TRIM71: variants seen among roughly 807,000 people sequenced by gnomAD.
TRIM71 encodes tripartite motif containing 71.
In TRIM71, 9 loss-of-function variants were observed where a neutral mutation model predicts 61.2. The ratio of observed to expected loss-of-function variants is 0.15; its 90% CI spans 0.09 to 0.26. The LOEUF (loss-of-function observed/expected upper bound fraction) is 0.26. Among genes scored for constraint, TRIM71 ranks in the 10% least tolerant of loss-of-function variants. The pLI is 1.00. For missense variants in TRIM71, 998 were observed against 1,238.7 expected (o/e 0.81, Z 2.92); for synonymous variants, 645 against 553.2 (o/e 1.17, Z -2.33).
chr3:32,890,228 A>G lies in TRIM71; in HGVS notation c.1156-132A>G. ...TTTTGCTGCTTTTGAAGAAAGACAG[A>G]TGTCTTTTGTAGACCATCCCACAAT... On this transcript the variant is annotated intron_variant, in intron 3 of 3. Coordinates refer to ENST00000383763, the MANE Select transcript of TRIM71 (RefSeq NM_001039111.3). The surrounding 1 kb of genome is among the most constrained non-coding windows in gnomAD (Gnocchi z 6.2). 8.1e-7 allele frequency: 1 copy of G among 1,233,414 alleles called. No homozygotes were observed. Among genetic ancestry groups the G allele is most frequent in the Non-Finnish European group, 1.1e-6 (1 of 890,788 alleles). 76.4% of individuals were successfully genotyped at this position (1,233,414 alleles called of 1,614,324 possible).
intron 1 of TRIM71, among the ~76,000 whole-genome samples, chr3:32,838,195 T>C (rs1449865070): frequency 6.6e-6 from 1 of 152,154 alleles, no homozygotes; most frequent in East Asian, 1.9e-4. Context: ...TACTAAATTA[T>C]TTTGGATTAG....
At chr3:32,872,844 A>C (rs1234425260) in intron 1 of TRIM71, among the ~76,000 whole-genome samples, 2 of 152,202 alleles carry the variant, frequency 1.3e-5, no homozygotes, top group Non-Finnish European at 2.9e-5. Flanking sequence ...TGCCTGTTGC[A>C]TGTTAGCTAG....
chr3:32,839,638 C>T (rs547748857), intron 1 of TRIM71, among the ~76,000 whole-genome samples: 14 of 110,104 alleles, frequency 1.3e-4, no homozygotes, highest in African/African-American at 4.4e-4. Flanking sequence ...TGTAGTAAGT[C>T]GAATTGATTA....
intron 1 of TRIM71, among the ~76,000 whole-genome samples, chr3:32,842,434 G>A (rs990074594): frequency 6.6e-6 from 1 of 152,206 alleles, no homozygotes; most frequent in Non-Finnish European, 1.5e-5. Context: ...GTATGATGGG[G>A]TTGTAAATTG....
chr3:32,841,528 G>T (rs1242028563), intron 1 of TRIM71, among the ~76,000 whole-genome samples: 4 of 152,142 alleles, frequency 2.6e-5, no homozygotes, highest in African/African-American at 9.6e-5. Context: ...ACAAAAGTTA[G>T]CTGGGCGTGG....
intron 1 of TRIM71, among the ~76,000 whole-genome samples, chr3:32,844,213 G>C (rs541567010): frequency 6.6e-6 from 1 of 152,094 alleles, no homozygotes; most frequent in Non-Finnish European, 1.5e-5. Flanking sequence ...CTAAAACTGG[G>C]GTGGGGCTCA....
Position 32,818,616 on chromosome 3 carries a change from C to T in TRIM71, c.536C>T (p.Ser179Leu), listed in dbSNP as rs1696089754. The change falls in exon 1 of 4, where the codon TCG (serine) becomes TTG (leucine). Residue 179 changes from serine to leucine, a missense_variant. Physicochemically the swap from Ser to Leu is moderately radical, Grantham distance 145. Transcript: ENST00000383763. ...CCGCAGCCGCCCGCGCCTTCCCGCT[C>T]GGCACCCGGCGGCCCTGCCGCTTCC... ...QAPQPPAPSR[S>L]APGGPAASPS... The T allele has an allele frequency of 2.1e-6, 3 of 1,407,588 alleles. No individual in the cohort carries two copies. The highest frequency in any genetic ancestry group is 1.5e-5 in the African/African-American group (1 of 66,246). The allele number at this position is 1,407,588 out of a possible 1,614,324, so 87.2% of individuals were successfully genotyped here. A position where few individuals can be genotyped will look rare whatever the true frequency, so the allele number is the denominator to read the frequency against.
chr3:32,863,565 G>C (rs1409454663), intron 1 of TRIM71, among the ~76,000 whole-genome samples: 1 of 152,044 alleles, frequency 6.6e-6, no homozygotes, highest in Non-Finnish European at 1.5e-5. Context: ...CTTCCACGTT[G>C]AGTTTTATCT....
intron 2 of TRIM71, among the ~76,000 whole-genome samples, chr3:32,878,471 C>T (rs529008630): frequency 4.5e-4 from 68 of 152,172 alleles, no homozygotes; most frequent in Middle Eastern, 6.8e-3. Flanking sequence ...AAAAATTAGC[C>T]GGTCATGGTG....
rs749298705 is a variant in TRIM71 at position 32,873,771 on chromosome 3, T to C, written c.853-47T>C. The C allele has an allele frequency of 8.4e-6, 12 of 1,423,812 alleles. No homozygotes were observed. The Admixed American group carries it at 2.2e-4, about 26-fold the overall frequency. 88.2% of individuals were successfully genotyped at this position (1,423,812 alleles called of 1,614,324 possible). A position where few individuals can be genotyped will look rare whatever the true frequency, so the allele number is the denominator to read the frequency against. ...CTCCAGTTGCTGTCTTCCCTCCTCC[T>C]CCCGTCCTGCATCTCCATTTATGCC... On this transcript the variant is annotated intron_variant, in intron 1 of 3. Coordinates refer to ENST00000383763, the MANE Select transcript of TRIM71 (RefSeq NM_001039111.3).
At chr3:32,885,509 G>A (rs992808853) in intron 2 of TRIM71, among the ~76,000 whole-genome samples, 6 of 152,158 alleles carry the variant, frequency 3.9e-5, no homozygotes, top group Non-Finnish European at 8.8e-5. Context: ...ACACCCTCAC[G>A]TAAGGGATGT....
chr3:32,868,831 C>T (rs1575354641), intron 1 of TRIM71, among the ~76,000 whole-genome samples: 1 of 152,240 alleles, frequency 6.6e-6, no homozygotes, highest in South Asian at 2.1e-4. Flanking sequence ...TGCAGCGGGG[C>T]TCTGTTGTCT....
Position 32,818,236 on chromosome 3 carries a change from G to T in TRIM71, c.156G>T (p.Ala52=). ...GCGGCGGCGGGGGCCCTGGGGCGGC[G>T]GCGCGCCGCCTACACGTCCTGCCCT... ...SGGGGGGPGA[A]ARRLHVLPCL... Residue 52 remains alanine, a synonymous_variant, in exon 1 of 4, where the codon GCG becomes GCT. Coordinates refer to ENST00000383763, the MANE Select transcript of TRIM71 (RefSeq NM_001039111.3). The T allele has an allele frequency of 6.7e-7, 1 of 1,497,096 alleles. No homozygotes were observed. The highest frequency in any genetic ancestry group is 8.8e-7 in the Non-Finnish European group (1 of 1,133,696). The allele number at this position is 1,497,096 out of a possible 1,614,324, so 92.7% of individuals were successfully genotyped here.
intron 1 of TRIM71, among the ~76,000 whole-genome samples, chr3:32,822,731 C>T (rs1028041890): frequency 2.0e-5 from 3 of 152,016 alleles, no homozygotes; most frequent in African/African-American, 7.2e-5. Flanking sequence ...ACAAATTTTC[C>T]CACTTACACT....
chr3:32,891,408 A>G lies in TRIM71; in HGVS notation c.2204A>G (p.Asn735Ser). The G allele has an allele frequency of 3.1e-6, 5 of 1,614,046 alleles. No homozygotes were observed. The highest frequency in any genetic ancestry group is 4.2e-6 in the Non-Finnish European group (5 of 1,180,010). ...QLFGPDGVFL[N>S]KYGFEGALWK... is the part of the protein sequence containing the mutation. ...TTTGGGCCTGATGGTGTCTTCCTAA[A>G]CAAGTATGGCTTCGAGGGGGCTCTC... Residue 735 changes from asparagine to serine, a missense_variant, in exon 4 of 4, where the codon AAC becomes AGC. Asn to Ser is a conservative substitution (Grantham distance 46). Around this residue, in one of 5 missense-constraint regions of TRIM71, gnomAD observed 83 missense variants for 202.7 expected, o/e 0.41. Coordinates refer to ENST00000383763, the MANE Select transcript of TRIM71 (RefSeq NM_001039111.3). This position sits in a 1 kb window ranked among gnomAD's most constrained non-coding sequence, Gnocchi z 8.2.
intron 1 of TRIM71, among the ~76,000 whole-genome samples, chr3:32,849,731 A>C (rs183463961): frequency 6.6e-6 from 1 of 151,756 alleles, no homozygotes; most frequent in African/African-American, 2.4e-5. Context: ...TTCCCCTTCC[A>C]CTTTTTTTGT....
At chr3:32,841,430 C>A (rs1696404225) in intron 1 of TRIM71, among the ~76,000 whole-genome samples, 1 of 152,128 alleles carries the variant, frequency 6.6e-6, no homozygotes, top group African/African-American at 2.4e-5. Context: ...CTAATCCCAG[C>A]ACTTTGGGAG....
intron 1 of TRIM71, among the ~76,000 whole-genome samples, chr3:32,829,098 A>G (rs1462881701): frequency 6.6e-6 from 1 of 151,798 alleles, no homozygotes; most frequent in Non-Finnish European, 1.5e-5. Context: ...GGTTCAAGCA[A>G]TTCTTCTGCC....
At chr3:32,837,864 G>A (rs745944897) in intron 1 of TRIM71, among the ~76,000 whole-genome samples, 2 of 152,168 alleles carry the variant, frequency 1.3e-5, no homozygotes, top group Non-Finnish European at 2.9e-5. Flanking sequence ...CTTCTGAGAA[G>A]GCCCAGATTC....
Sources: allele counts gnomAD v4.1 joint callset (sites outside exome capture counted in the v4.1 genomes callset), GRCh38; gene constraint gnomAD v4.1.1; regional missense constraint gnomAD v4.1.1; non-coding constraint Gnocchi (gnomAD v3.1); transcripts MANE v1.5; gene names NCBI Gene and HGNC (gene_info 2026-07-23, HGNC 2026-07-21).